The following PCGF6 variants were observed in gnomAD, a reference collection of about 807,000 sequenced individuals.
The protein encoded by PCGF6 is polycomb group RING finger protein 6.
In PCGF6, 24 loss-of-function variants were observed where a neutral mutation model predicts 45.5. The observed-to-expected ratio is 0.53, with a 90% CI of 0.38 to 0.74. The LOEUF is 0.74. Ranked by LOEUF, PCGF6 falls within the 30% of genes least tolerant of loss-of-function variation. PCGF6 has a pLI of 0.00. For missense variants in PCGF6, 356 were observed against 443.2 expected (o/e 0.80, Z 1.77); for synonymous variants, 152 against 162.1 (o/e 0.94, Z 0.47).
intron 7 of PCGF6, among the ~76,000 whole-genome samples, chr10:103,331,083 C>A (rs1160425221): frequency 1.3e-5 from 2 of 152,216 alleles, no homozygotes; most frequent in East Asian, 3.9e-4. Context: ...TATGGATGGC[C>A]TTTTGTGACT....
chr10:103,325,967 T>C (rs551638174), intron 8 of PCGF6, among the ~76,000 whole-genome samples: 4 of 151,634 alleles, frequency 2.6e-5, no homozygotes, highest in South Asian at 2.1e-4. Flanking sequence ...AACCTCAAGG[T>C]TGTAGTGAGC....
rs745428639 is a variant in PCGF6 at position 103,351,024 on chromosome 10, C to T, written c.43G>A (p.Ala15Thr). ...AVVTAGSVGA[A>T]KTEGAAALPP... is the part of the protein sequence containing the mutation. ...AAGGCTGCAGCTCCCTCGGTTTTGG[C>T]AGCGCCTACGCTGCCCGCCGTCACC... is the stretch of plus-strand genomic sequence containing the variant. The change falls in exon 1 of 10, where the codon GCC becomes ACC. Residue 15 changes from alanine to threonine, a missense_variant. Around this residue, in one of 2 missense-constraint regions of PCGF6, gnomAD observed 307 missense variants for 350.1 expected, o/e 0.88. Coordinates refer to ENST00000369847, the MANE Select transcript of PCGF6 (RefSeq NM_001011663.2). The T allele has an allele frequency of 1.1e-5, 16 of 1,416,434 alleles. No homozygotes were observed. In the East Asian group the frequency reaches 4.1e-4, roughly 36 times the overall value. The allele number at this position is 1,416,434 out of a possible 1,614,324, so 87.7% of individuals were successfully genotyped here.
Position 103,351,127 on chromosome 10 carries a change from C to T in PCGF6, c.-61G>A, listed in dbSNP as rs979635453. The T allele has an allele frequency of 5.3e-6, 7 of 1,326,084 alleles. No individual in the cohort carries two copies. Among genetic ancestry groups the T allele is most frequent in the Non-Finnish European group, 6.8e-6 (7 of 1,035,770 alleles). The allele number at this position is 1,326,084 out of a possible 1,614,324, so 82.1% of individuals were successfully genotyped here. A position where few individuals can be genotyped will look rare whatever the true frequency, so the allele number is the denominator to read the frequency against. On this transcript the variant is annotated 5_prime_UTR_variant, in exon 1 of 10. Coordinates refer to ENST00000369847, the MANE Select transcript of PCGF6 (RefSeq NM_001011663.2). Reference sequence around the variant, plus strand: ...GAGAGCGCGGGAGTTCGGCCGGCCTCGGACGCCACCACTGCGCAGGCGCGG... The same window carrying T: ...GAGAGCGCGGGAGTTCGGCCGGCCTTGGACGCCACCACTGCGCAGGCGCGG...
At chr10:103,315,340 C>G (rs771889710) in intron 8 of PCGF6, among the ~76,000 whole-genome samples, 1 of 152,016 alleles carries the variant, frequency 6.6e-6, no homozygotes, top group African/African-American at 2.4e-5. Flanking sequence ...TGTGCACCAC[C>G]ACATCTGGCA....
Position 103,328,235 on chromosome 10 carries a change from A to G in PCGF6, c.811-1603T>C, listed in dbSNP as rs554914282. On this transcript the variant is annotated intron_variant, in intron 7 of 9. Transcript: ENST00000369847. ...GTTTTTTTAGGACTTACAGACTGGG[A>G]GCCTAGAATGGCTACCTAGGGAACC... Among the ~76,000 whole-genome samples the G allele has an allele frequency of 2.9e-4, 44 of 152,292 alleles. No homozygotes were observed. In the East Asian group the frequency reaches 8.5e-3, roughly 29 times the overall value.
intron 5 of PCGF6, 45 bp downstream of exon 5, chr10:103,347,193 T>G: frequency 7.0e-7 from 1 of 1,420,162 alleles, no homozygotes; most frequent in East Asian, 2.3e-5. Flanking sequence ...TTATTGTTAG[T>G]ATTCTTTAAT....
Position 103,343,195 on chromosome 10 carries a change from T to A in PCGF6, c.782+1829A>T, listed in dbSNP as rs2093287244. Among the ~76,000 whole-genome samples, 4 of 152,084 alleles carry A rather than the reference T, an allele frequency of 2.6e-5. 1 individual carries two copies. The South Asian group carries it at 8.3e-4, about 32-fold the overall frequency. On this transcript the variant is annotated intron_variant, in intron 6 of 9. Transcript: ENST00000369847. ...CGCCCGCCTCGGCCTCCCAAAGTGC[T>A]GGGATTATAGGCGTGAGCCACCGCG...
chr10:103,337,313 T>G (rs977030270), intron 6 of PCGF6, among the ~76,000 whole-genome samples: 2 of 152,166 alleles, frequency 1.3e-5, no homozygotes, highest in African/African-American at 4.8e-5. Flanking sequence ...GTGTATGTAT[T>G]ATAGCACCAT....
In PCGF6 at chr10:103,314,218, T is replaced by C. The variant is rs1333356971; in HGVS notation, c.964A>G (p.Ile322Val). 1 of 1,606,612 alleles carries C rather than the reference T, an allele frequency of 6.2e-7. No homozygotes were observed. The highest frequency in any genetic ancestry group is 1.1e-5 in the South Asian group (1 of 90,492). ...LLEQYQTLREIRRAIGDAAMQ... is the reference protein window; with the variant it reads ...LLEQYQTLREVRRAIGDAAMQ... ...GCTGCATCACCTATTGCACGTCGGA[T>C]TTCCCTTAGAGTTTGATACTGCTCC... Residue 322 changes from isoleucine to valine, a missense_variant, in exon 9 of 10, where the codon ATC (isoleucine) becomes GTC (valine). Around this residue, in one of 2 missense-constraint regions of PCGF6, gnomAD observed 49 missense variants for 93.0 expected, o/e 0.53. Transcript: ENST00000369847.
Position 103,351,076 on chromosome 10 carries a change from A to G in PCGF6, c.-10T>C. The G allele has an allele frequency of 7.3e-7, 1 of 1,370,726 alleles. No homozygotes were observed. Among genetic ancestry groups the G allele is most frequent in the Non-Finnish European group, 9.4e-7 (1 of 1,061,976 alleles). The allele number at this position is 1,370,726 out of a possible 1,614,324, so 84.9% of individuals were successfully genotyped here. ...CCGCGACCCCCTCCATGGTCGGGAG[A>G]GACACCAGGCGAGGCGAGGCGGCGG... is the stretch of plus-strand genomic sequence containing the variant. On this transcript the variant is annotated 5_prime_UTR_variant, in exon 1 of 10. Coordinates refer to ENST00000369847, the MANE Select transcript of PCGF6 (RefSeq NM_001011663.2).
chr10:103,306,495 G>A (rs2133551649), intron 9 of PCGF6, among the ~76,000 whole-genome samples: 1 of 152,268 alleles, frequency 6.6e-6, no homozygotes, highest in African/African-American at 2.4e-5. Flanking sequence ...GACCTGAACT[G>A]AGCAACACAG....
At position 103,345,015 on chromosome 10, in the gene PCGF6, G is replaced by A. The variant is rs1488764291; in HGVS notation, c.782+9C>T. ...TTTAAGTTAAAAGGTAAATTTTTAG[G>A]GTACTCACCCAATGAACTCCAGTAA... On this transcript the variant is annotated intron_variant, in intron 6 of 9. Transcript: ENST00000369847. The A allele has an allele frequency of 1.3e-6, 2 of 1,527,266 alleles. No individual in the cohort carries two copies. Among genetic ancestry groups the A allele is most frequent in the Admixed American group, 3.9e-5 (2 of 51,706 alleles). 94.6% of individuals were successfully genotyped at this position (1,527,266 alleles called of 1,614,324 possible).
intron 8 of PCGF6, among the ~76,000 whole-genome samples, chr10:103,325,106 G>A (rs1295945799): frequency 1.3e-5 from 2 of 151,446 alleles, no homozygotes; most frequent in African/African-American, 2.4e-5. Flanking sequence ...TTGCACTCCA[G>A]CCTGGGCAAC....
intron 7 of PCGF6, among the ~76,000 whole-genome samples, chr10:103,332,199 A>G (rs1218694665): frequency 2.6e-5 from 4 of 152,184 alleles, no homozygotes; most frequent in Non-Finnish European, 5.9e-5. Context: ...TGATATTGCT[A>G]CCATGTTTTT....
At position 103,345,149 on chromosome 10, in the gene PCGF6, C is replaced by T; in HGVS notation, c.674-17G>A. 6.6e-7 allele frequency: 1 copy of T among 1,515,042 alleles called. No individual in the cohort carries two copies. The highest frequency in any genetic ancestry group is 9.0e-7 in the Non-Finnish European group (1 of 1,108,120). 93.8% of individuals were successfully genotyped at this position (1,515,042 alleles called of 1,614,324 possible). A position where few individuals can be genotyped will look rare whatever the true frequency, so the allele number is the denominator to read the frequency against. Reference sequence around the variant, plus strand: ...GTGGAACAGCTATTTAATAGTCAAACAAAAATGTTAATTAAGAATAAAAAT... The same window carrying T: ...GTGGAACAGCTATTTAATAGTCAAATAAAAATGTTAATTAAGAATAAAAAT... On this transcript the variant is annotated splice_polypyrimidine_tract_variant and intron_variant, in intron 5 of 9. Coordinates refer to ENST00000369847, the MANE Select transcript of PCGF6 (RefSeq NM_001011663.2).
rs188931494 is a variant in PCGF6, at chr10:103,343,257, C to T, written c.782+1767G>A. On this transcript the variant is annotated intron_variant, in intron 6 of 9. Coordinates refer to ENST00000369847, the MANE Select transcript of PCGF6 (RefSeq NM_001011663.2). ...GGGTTCTTAATAACAGTTGAGAGCA[C>T]GAAGTGGATATACAAGGAGATAAAT... Among the ~76,000 whole-genome samples the T allele has an allele frequency of 1.9e-4, 29 of 151,302 alleles. No homozygotes were observed. In the East Asian group the frequency reaches 4.8e-3, roughly 25 times the overall value.
chr10:103,351,094 G>A lies in PCGF6; in HGVS notation c.-28C>T, dbSNP rs1564737937. ...TCGGGAGAGACACCAGGCGAGGCGA[G>A]GCGGCGGGAGAGCGCGGGAGTTCGG... On this transcript the variant is annotated 5_prime_UTR_variant, in exon 1 of 10. Transcript: ENST00000369847. 6.7e-6 allele frequency: 9 copies of A among 1,346,164 alleles called. No homozygotes were observed. Among genetic ancestry groups the A allele is most frequent in the African/African-American group, 1.5e-5 (1 of 66,676 alleles). 83.4% of individuals were successfully genotyped at this position (1,346,164 alleles called of 1,614,324 possible).
At chr10:103,307,442 C>T (rs969604456) in intron 9 of PCGF6, among the ~76,000 whole-genome samples, 2 of 151,906 alleles carry the variant, frequency 1.3e-5, no homozygotes, top group African/African-American at 4.8e-5. Flanking sequence ...ACAGCAAGAC[C>T]CTGTCTCAAA....
chr10:103,315,980 GT>G lies in PCGF6; in HGVS notation c.910-1709del, dbSNP rs371258592. On this transcript the variant is annotated intron_variant, in intron 8 of 9. Transcript: ENST00000369847. ...CTCAACAGCTTATATGTGTGTGTGT[GT>G]GTGTGTGTGTGTGTATATATATATA... Among the ~76,000 whole-genome samples, 810 of 108,714 alleles carry G rather than the reference GT, an allele frequency of 7.5e-3. 21 individuals are homozygous for G. In the East Asian group the frequency reaches 0.1, roughly 14 times the overall value. 71.3% of individuals were successfully genotyped at this position (108,714 alleles called of 152,430 possible).
Sources: gnomAD v4.1 joint callset for allele counts (sites outside exome capture counted in the v4.1 genomes callset) on GRCh38, gnomAD v4.1.1 for gene constraint, gnomAD v4.1.1 regional missense constraint, MANE v1.5 for transcripts, NCBI Gene and HGNC (gene_info 2026-07-23, HGNC 2026-07-21) for gene names.